SIRPD: variants seen among roughly 807,000 people sequenced by gnomAD.
The protein encoded by SIRPD is signal regulatory protein delta, also known as signal-regulatory protein delta.
SIRPD carries 21 observed loss-of-function variants against 18.0 expected under a neutral mutation model. That is an observed-to-expected ratio of 1.17 (90% CI 0.83 to 1.68). SIRPD has a LOEUF of 1.68. Among genes scored for constraint, SIRPD ranks in the 40% most tolerant of loss-of-function variants. SIRPD has a pLI of 0.00. For missense variants in SIRPD, 295 were observed against 238.4 expected (o/e 1.24, Z -1.56); for synonymous variants, 106 against 92.9 (o/e 1.14, Z -0.81).
intron 2 of SIRPD, among the ~76,000 whole-genome samples, chr20:1,545,833 G>A (rs1405825808): frequency 2.0e-5 from 3 of 152,090 alleles, no homozygotes; most frequent in African/African-American, 7.2e-5. Context: ...TGTTGATCCT[G>A]TTGCTTTCTG....
intron 3 of SIRPD, among the ~76,000 whole-genome samples, chr20:1,535,969 T>C (rs537726196): frequency 1.3e-5 from 2 of 152,326 alleles, no homozygotes; most frequent in African/African-American, 4.8e-5. Flanking sequence ...CCTGACAACC[T>C]GGTGATTCTA....
At chr20:1,557,341 G>A (rs568300676) in intron 1 of SIRPD, among the ~76,000 whole-genome samples, 6 of 152,126 alleles carry the variant, frequency 3.9e-5, no homozygotes, top group East Asian at 1.9e-4. Flanking sequence ...GCTGTGCCCC[G>A]CCCTGTGACC....
intron 2 of SIRPD, among the ~76,000 whole-genome samples, chr20:1,546,331 T>C (rs1391006889): frequency 6.6e-6 from 1 of 152,220 alleles, no homozygotes; most frequent in Non-Finnish European, 1.5e-5. Context: ...AGAGGAAGAA[T>C]CTAGAGAGAA....
intron 3 of SIRPD, among the ~76,000 whole-genome samples, chr20:1,536,555 C>A (rs1490140342): frequency 1.3e-5 from 2 of 152,106 alleles, no homozygotes; most frequent in African/African-American, 4.8e-5. Flanking sequence ...AGGAGAAACA[C>A]CCGCATCAAG....
chr20:1,553,292 C>G (rs1287910867), intron 1 of SIRPD, among the ~76,000 whole-genome samples: 1 of 152,186 alleles, frequency 6.6e-6, no homozygotes, highest in Non-Finnish European at 1.5e-5. Context: ...TGATCTCAGA[C>G]TGGACTGTGG....
intron 2 of SIRPD, among the ~76,000 whole-genome samples, chr20:1,548,664 C>G (rs1224837588): frequency 1.3e-5 from 2 of 151,920 alleles, no homozygotes; most frequent in Non-Finnish European, 1.5e-5. Context: ...TTGAAATGCT[C>G]CATTATTTTT....
At chr20:1,550,135 G>A (rs2091012336) in intron 2 of SIRPD, among the ~76,000 whole-genome samples, 1 of 152,168 alleles carries the variant, frequency 6.6e-6, no homozygotes, top group South Asian at 2.1e-4. Context: ...TAACCTGGAA[G>A]ACAAGCCCAT....
At position 1,553,581 on chromosome 20, in the gene SIRPD, C is replaced by G. The variant is rs183897478; in HGVS notation, c.74-1543G>C. On this transcript the variant is annotated intron_variant, in intron 1 of 3. Transcript: ENST00000381623. ...CTGGGCCCAGGTTTCTTCGTAAAACCTTAGAAGTCAGTCAGCCTTCTAGGA... is the reference window on the plus strand; with the variant it reads ...CTGGGCCCAGGTTTCTTCGTAAAACGTTAGAAGTCAGTCAGCCTTCTAGGA... Among the ~76,000 whole-genome samples, 7 of 152,254 alleles carry G rather than the reference C, an allele frequency of 4.6e-5. No homozygotes were observed. In the East Asian group the frequency reaches 1.4e-3, roughly 29 times the overall value.
intron 2 of SIRPD, among the ~76,000 whole-genome samples, chr20:1,545,418 CT>C (rs2090989415): frequency 2.0e-5 from 3 of 152,084 alleles, no homozygotes; most frequent in Non-Finnish European, 4.4e-5. Context: ...GCTCTTGATA[CT>C]TCTGTATGCT....
intron 1 of SIRPD, among the ~76,000 whole-genome samples, chr20:1,552,596 G>A (rs2091024312): frequency 6.6e-6 from 1 of 152,178 alleles, no homozygotes; most frequent in African/African-American, 2.4e-5. Flanking sequence ...AGAGAAGGGA[G>A]AGGGTTTCCT....
At chr20:1,548,471 A>G (rs559994740) in intron 2 of SIRPD, among the ~76,000 whole-genome samples, 1 of 152,322 alleles carries the variant, frequency 6.6e-6, no homozygotes, top group South Asian at 2.1e-4. Context: ...CACTTGGTCA[A>G]CATGAATAAT....
At chr20:1,545,537 A>G (rs1458346221) in intron 2 of SIRPD, among the ~76,000 whole-genome samples, 1 of 152,190 alleles carries the variant, frequency 6.6e-6, no homozygotes, top group Non-Finnish European at 1.5e-5. Context: ...CAAGTTTCTT[A>G]GCTTTCTTGC....
chr20:1,549,405 A>G (rs184819141), intron 2 of SIRPD, among the ~76,000 whole-genome samples: 2 of 150,824 alleles, frequency 1.3e-5, no homozygotes, highest in East Asian at 3.9e-4. Context: ...TATACTTGTC[A>G]TAGTTTTCTG....
chr20:1,546,609 G>T lies in SIRPD; in HGVS notation c.421+5082C>A, dbSNP rs759420648. 7.0e-4 allele frequency among the ~76,000 whole-genome samples: 107 copies of T among 152,182 alleles called. 1 individual carries two copies. Among genetic ancestry groups the T allele is most frequent in the Non-Finnish European group, 1.3e-3 (90 of 68,038 alleles). The stretch of plus-strand genomic sequence containing the variant: ...ATTTCTCTTGAGTAAATACCTAGGA[G>T]TGGAATAGCTGGGTCATATAGTAAC... On this transcript the variant is annotated intron_variant, in intron 2 of 3. Coordinates refer to ENST00000381623, the MANE Select transcript of SIRPD (RefSeq NM_178460.3).
chr20:1,537,930 C>A (rs2090954693), intron 2 of SIRPD, among the ~76,000 whole-genome samples: 2 of 152,110 alleles, frequency 1.3e-5, no homozygotes, highest in South Asian at 4.1e-4. Flanking sequence ...GGAACAGTGA[C>A]ATGCAGAAAC....
chr20:1,542,949 T>C (rs2090978695), intron 2 of SIRPD, among the ~76,000 whole-genome samples: 1 of 152,238 alleles, frequency 6.6e-6, no homozygotes, highest in South Asian at 2.1e-4. Flanking sequence ...TTTCCATATG[T>C]TGAACCAGCC....
At chr20:1,548,642 G>A (rs555181592) in intron 2 of SIRPD, among the ~76,000 whole-genome samples, 4 of 152,068 alleles carry the variant, frequency 2.6e-5, no homozygotes, top group Admixed American at 2.0e-4. Flanking sequence ...CTGTTTAGTT[G>A]TTATAGGTAT....
chr20:1,542,724 A>G (rs2090977916), intron 2 of SIRPD, among the ~76,000 whole-genome samples: 1 of 152,204 alleles, frequency 6.6e-6, no homozygotes. Context: ...TCTGGTTTTC[A>G]AAGAGAATGC....
Position 1,543,681 on chromosome 20 carries a change from C to T in SIRPD, c.422-6371G>A, listed in dbSNP as rs2090981630. Among the ~76,000 whole-genome samples, 3 of 152,224 alleles carry T rather than the reference C, an allele frequency of 2.0e-5. No homozygotes were observed. In the South Asian group the frequency reaches 6.2e-4, roughly 32 times the overall value. ...CTGCTATCTTTTGAATTTGTTTGCTCTAGCTTCTCTAGTTCTTTTGTGATT... is the reference window on the plus strand; with the variant it reads ...CTGCTATCTTTTGAATTTGTTTGCTTTAGCTTCTCTAGTTCTTTTGTGATT... On this transcript the variant is annotated intron_variant, in intron 2 of 3. Transcript: ENST00000381623.
Sources: gnomAD v4.1 joint callset for allele counts (sites outside exome capture counted in the v4.1 genomes callset) on GRCh38, gnomAD v4.1.1 for gene constraint, MANE v1.5 for transcripts, NCBI Gene and HGNC (gene_info 2026-07-23, HGNC 2026-07-21) for gene names.